Variants in MMD observed in about 807,000 individuals in gnomAD.
MMD encodes monocyte to macrophage differentiation factor.
Under a neutral mutation model 33.6 loss-of-function variants are expected in MMD, and 22 were observed. The observed-to-expected ratio is 0.66, with a 90% CI of 0.47 to 0.94. The LOEUF (loss-of-function observed/expected upper bound fraction) is 0.94, where lower values mean the gene tolerates loss of function less well. Among genes scored for constraint, MMD ranks in the 40% least tolerant of loss-of-function variants. MMD has a pLI of 0.00. For synonymous variants in MMD, 97 were observed against 103.2 expected (o/e 0.94, Z 0.36); for missense variants, 242 against 309.8 (o/e 0.78, Z 1.64).
intron 6 of MMD, among the ~76,000 whole-genome samples, chr17:55,399,611 C>T (rs1405722382): frequency 1.3e-5 from 2 of 152,248 alleles, no homozygotes; most frequent in African/African-American, 2.4e-5. Flanking sequence ...CTCACCCCTA[C>T]CATCTCTCAG....
In MMD at chr17:55,392,736, AAAT is replaced by A. The variant is rs1285722425; in HGVS notation, c.*1595_*1597del. ...TGAATCCACAAAGTTAATATATTAA[AAAT>A]AAAATATACACAGTAAAACAACAGG... On this transcript the variant is annotated 3_prime_UTR_variant, in exon 7 of 7. Transcript: ENST00000262065. 6.6e-6 allele frequency: 1 copy of A among 152,622 alleles called. No homozygotes were observed. Among genetic ancestry groups the A allele is most frequent in the Non-Finnish European group, 1.5e-5 (1 of 68,038 alleles). The allele number at this position is 152,622 out of a possible 1,614,324, so 9.5% of individuals were successfully genotyped here.
chr17:55,411,723 A>C (rs181036097), intron 2 of MMD, among the ~76,000 whole-genome samples: 1 of 152,222 alleles, frequency 6.6e-6, no homozygotes, highest in Admixed American at 6.5e-5. Flanking sequence ...AATTTCATTA[A>C]ATAAGGACAT....
intron 5 of MMD, among the ~76,000 whole-genome samples, chr17:55,401,884 TA>T (rs1907344138): frequency 6.6e-6 from 1 of 151,954 alleles, no homozygotes; most frequent in Admixed American, 6.6e-5. Context: ...CCATCCTGAT[TA>T]ACACGGTGAA....
chr17:55,403,865 T>G lies in MMD; in HGVS notation c.348A>C (p.Leu116Phe). The G allele has an allele frequency of 6.2e-7, 1 of 1,611,178 alleles. No individual in the cohort carries two copies. The change falls in exon 5 of 7, where the codon TTA becomes TTC. Residue 116 changes from leucine to phenylalanine, a missense_variant. Leu to Phe is a conservative substitution (Grantham distance 22). Coordinates refer to ENST00000262065, the MANE Select transcript of MMD (RefSeq NM_012329.3). ...FFIAASYAPW[L>F]NLRELGPLAS... ...CCAGGGGTCCAAGTTCACGAAGATT[T>G]AACCTAAAAATGTAAACGTGACAAC...
In MMD at chr17:55,421,706, C is replaced by T; in HGVS notation, c.-11G>A. 1 of 1,587,388 alleles carries T rather than the reference C, an allele frequency of 6.3e-7. No individual in the cohort carries two copies. The highest frequency in any genetic ancestry group is 8.6e-7 in the Non-Finnish European group (1 of 1,167,874). On this transcript the variant is annotated 5_prime_UTR_variant, in exon 1 of 7. Transcript: ENST00000262065. ...ATTCTTGAACCGCATTGATCCTCTG[C>T]TCCTCCTCGGGGGCCAGGAGCTCCG...
intron 2 of MMD, among the ~76,000 whole-genome samples, chr17:55,411,885 T>C (rs931685875): frequency 6.6e-6 from 1 of 152,126 alleles, no homozygotes; most frequent in South Asian, 2.1e-4. Context: ...CAGACCAGCC[T>C]GGGCAACACA....
chr17:55,401,350 T>C, intron 6 of MMD, 119 bp downstream of exon 6: 1 of 844,566 alleles, frequency 1.2e-6, no homozygotes, highest in Non-Finnish European at 1.8e-6. Flanking sequence ...TTCTTTTTCT[T>C]TTGAGCCTCT....
At chr17:55,421,016 A>G (rs1908165099) in intron 1 of MMD, among the ~76,000 whole-genome samples, 1 of 152,304 alleles carries the variant, frequency 6.6e-6, no homozygotes, top group African/African-American at 2.4e-5. Flanking sequence ...TCGCCACCCG[A>G]AAGCTAACAT....
rs917492763 is a variant in MMD at position 55,392,877 on chromosome 17, T to A, written c.*1457A>T. ...CCACTTCTTCTGTTTCTCATTCCCATATAATTCATCAAAATCAGAGAGTTC... is the reference window on the plus strand; with the variant it reads ...CCACTTCTTCTGTTTCTCATTCCCAAATAATTCATCAAAATCAGAGAGTTC... On this transcript the variant is annotated 3_prime_UTR_variant, in exon 7 of 7. Coordinates refer to ENST00000262065, the MANE Select transcript of MMD (RefSeq NM_012329.3). 9 of 152,212 alleles carry A rather than the reference T, an allele frequency of 5.9e-5. No homozygotes were observed. The highest frequency in any genetic ancestry group is 1.2e-4 in the Non-Finnish European group (8 of 68,032). 9.4% of individuals were successfully genotyped at this position (152,212 alleles called of 1,614,324 possible). A position where few individuals can be genotyped will look rare whatever the true frequency, so the allele number is the denominator to read the frequency against.
chr17:55,405,825 T>C (rs931959048), intron 4 of MMD, among the ~76,000 whole-genome samples: 2 of 152,226 alleles, frequency 1.3e-5, no homozygotes, highest in Non-Finnish European at 2.9e-5. Context: ...AGGCATACTG[T>C]TTCTAATGAC....
chr17:55,401,072 A>G (rs1294522175), intron 6 of MMD, among the ~76,000 whole-genome samples: 2 of 152,250 alleles, frequency 1.3e-5, no homozygotes, highest in Admixed American at 6.5e-5. Context: ...GGAAAGTACC[A>G]TAAAGACAGA....
At chr17:55,403,172 G>A (rs371447414) in intron 5 of MMD, among the ~76,000 whole-genome samples, 1 of 152,160 alleles carries the variant, frequency 6.6e-6, no homozygotes, top group African/African-American at 2.4e-5. Context: ...TGGAATAGGG[G>A]ACCTTGAAGG....
chr17:55,418,662 T>C (rs1325695135), intron 1 of MMD, among the ~76,000 whole-genome samples: 1 of 152,252 alleles, frequency 6.6e-6, no homozygotes, highest in African/African-American at 2.4e-5. Flanking sequence ...CTACTGTCAA[T>C]AGTGCCAATC....
rs141900898 is a variant in MMD, at chr17:55,419,393, A to G, written c.26+2277T>C. Among the ~76,000 whole-genome samples, 607 of 152,336 alleles carry G rather than the reference A, an allele frequency of 4.0e-3. 7 individuals are homozygous for G. The highest frequency in any genetic ancestry group is 0.014 in the African/African-American group (587 of 41,574). On this transcript the variant is annotated intron_variant, in intron 1 of 6. Transcript: ENST00000262065. ...TAAAATATGCCTCTGTGTTCCAGTG[A>G]AATTTTTCACATCCTAAGTTTGTTA...
At chr17:55,410,683 A>G (rs1055458699) in intron 3 of MMD, among the ~76,000 whole-genome samples, 4 of 152,226 alleles carry the variant, frequency 2.6e-5, no homozygotes, top group Admixed American at 6.5e-5. Flanking sequence ...AACGCAAACT[A>G]TAAGTATACC....
At chr17:55,413,199 G>A (rs1305344345) in intron 2 of MMD, among the ~76,000 whole-genome samples, 2 of 152,094 alleles carry the variant, frequency 1.3e-5, no homozygotes, top group East Asian at 1.9e-4. Flanking sequence ...CCATTGTATT[G>A]TACCAACAGT....
intron 1 of MMD, among the ~76,000 whole-genome samples, chr17:55,416,421 C>G (rs1166970717): frequency 6.6e-6 from 1 of 152,056 alleles, no homozygotes. Flanking sequence ...GAAAAATATC[C>G]CACCCATGGT....
intron 3 of MMD, among the ~76,000 whole-genome samples, chr17:55,410,092 G>C (rs1907705831): frequency 6.6e-6 from 1 of 152,208 alleles, no homozygotes; most frequent in Admixed American, 6.5e-5. Context: ...CTTGGAGTCA[G>C]AGGTCTTGGA....
At chr17:55,418,587 A>G (rs1218003192) in intron 1 of MMD, among the ~76,000 whole-genome samples, 1 of 152,230 alleles carries the variant, frequency 6.6e-6, no homozygotes, top group East Asian at 1.9e-4. Context: ...GTTGCAACGT[A>G]TAAGTGGACC....
Sources: gnomAD v4.1 joint callset for allele counts (sites outside exome capture counted in the v4.1 genomes callset) on GRCh38, gnomAD v4.1.1 for gene constraint, MANE v1.5 for transcripts, NCBI Gene and HGNC (gene_info 2026-07-23, HGNC 2026-07-21) for gene names.